The following PIH1D2 variants were observed in gnomAD, a reference collection of about 807,000 sequenced individuals.
PIH1D2 encodes the protein PIH1 domain containing 2.
PIH1D2 carries 25 observed loss-of-function variants against 31.2 expected under a neutral mutation model. That is an observed-to-expected ratio of 0.80 (90% CI 0.58 to 1.12). The LOEUF is 1.12. Ranked by LOEUF, PIH1D2 falls within the 50% of genes most tolerant of loss-of-function variation. The probability of loss-of-function intolerance (pLI) is 0.00; values close to 1 mark genes in which losing one functional copy is unlikely to be tolerated. For missense variants in PIH1D2, 310 were observed against 356.6 expected (o/e 0.87, Z 1.05); for synonymous variants, 116 against 119.9 (o/e 0.97, Z 0.21).
At chr11:112,057,652 G>T in the PIH1D2 span, among the ~76,000 whole-genome samples, 3 of 152,220 alleles carry the variant, frequency 2.0e-5, no homozygotes, top group Admixed American at 2.0e-4. Context: ...TGATAGAGGT[G>T]AGGAAGCCGC....
Position 112,070,533 on chromosome 11 carries a change from AT to A in PIH1D2, c.715del (p.Ile239LeufsTer10). 1 of 1,614,128 alleles carries A rather than the reference AT, an allele frequency of 6.2e-7. No individual in the cohort carries two copies. Among genetic ancestry groups the A allele is most frequent in the Non-Finnish European group, 8.5e-7 (1 of 1,180,030 alleles). On this transcript the variant is annotated frameshift_variant, in exon 5 of 6. Coordinates refer to ENST00000280350, the MANE Select transcript of PIH1D2 (RefSeq NM_138789.4). LOFTEE classifies it high-confidence loss of function. ...EMKMPAYELK[I>X]VHDHSEKPLK... ...AGGTTTCTCACTGTGATCATGCACAATTTTTAGTTCATAGGCTGGCATCTTC... is the reference window on the plus strand; with the variant it reads ...AGGTTTCTCACTGTGATCATGCACAATTTTAGTTCATAGGCTGGCATCTTC...
chr11:112,054,332 TAATA>T, the PIH1D2 span, among the ~76,000 whole-genome samples: 1 of 151,108 alleles, frequency 6.6e-6, no homozygotes, highest in Non-Finnish European at 1.5e-5. Flanking sequence ...ATAATAATAA[TAATA>T]AATAAATATA....
downstream of PIH1D2, chr11:112,060,974 A>G (rs1371292207): frequency 1.5e-5 from 22 of 1,448,100 alleles, no homozygotes; most frequent in Middle Eastern, 2.0e-4. Context: ...TTCACAGAAC[A>G]TTTGTCAAGT....
the PIH1D2 span, among the ~76,000 whole-genome samples, chr11:112,052,643 A>G: frequency 2.0e-5 from 3 of 152,202 alleles, no homozygotes; most frequent in Non-Finnish European, 2.9e-5. Flanking sequence ...CAGTTCAGCA[A>G]CTGGAAGCTC....
At position 112,070,439 on chromosome 11, in the gene PIH1D2, A is replaced by G. The variant is rs782453043; in HGVS notation, c.810T>C (p.Ser270=). Reference sequence around the variant, plus strand: ...CAGTGTTATCTATTCAACTTACCTCAGAAACACTAAGGTCACAGAGAGAGA... The same window carrying G: ...CAGTGTTATCTATTCAACTTACCTCGGAAACACTAAGGTCACAGAGAGAGA... The part of the protein sequence containing the change: ...NSVSLCDLSV[S]EDDLLIEVSE... The change falls in exon 5 of 6, where the codon TCT becomes TCC. Residue 270 remains serine (S), a synonymous_variant. Coordinates refer to ENST00000280350, the MANE Select transcript of PIH1D2 (RefSeq NM_138789.4). 3 of 1,613,434 alleles carry G rather than the reference A, an allele frequency of 1.9e-6. No individual in the cohort carries two copies. The East Asian group carries it at 6.7e-5, about 36-fold the overall frequency.
At chr11:112,065,910 A>G (rs1864908255), downstream of PIH1D2, among the ~76,000 whole-genome samples, 1 of 151,704 alleles carries the variant, frequency 6.6e-6, no homozygotes, top group South Asian at 2.1e-4. Context: ...GAACCTCGGG[A>G]TGGGGCAGGG....
At chr11:112,054,750 G>A in the PIH1D2 span, among the ~76,000 whole-genome samples, 2 of 152,122 alleles carry the variant, frequency 1.3e-5, no homozygotes, top group Admixed American at 1.3e-4. Flanking sequence ...CTCACAGTTC[G>A]GGAAACAAGT....
chr11:112,073,547 G>A (rs566670172), intron 1 of PIH1D2, among the ~76,000 whole-genome samples: 1 of 152,280 alleles, frequency 6.6e-6, no homozygotes, highest in East Asian at 1.9e-4. Flanking sequence ...GGTGTGGGGT[G>A]AGGGCCACAT....
downstream of PIH1D2, chr11:112,062,630 A>G: frequency 7.1e-7 from 1 of 1,414,238 alleles, no homozygotes; most frequent in South Asian, 1.2e-5. Context: ...TTTTATTTTA[A>G]CCAGTTATTT....
intron 5 of PIH1D2, 74 bp from the exon 6 acceptor site, chr11:112,068,079 A>G (rs1555184087): frequency 2.9e-6 from 3 of 1,036,786 alleles, no homozygotes; most frequent in African/African-American, 3.2e-5. Context: ...CCAGTTATTC[A>G]CTCCTTTGCC....
chr11:112,070,129 C>T, intron 5 of PIH1D2: 2 of 523,478 alleles, frequency 3.8e-6, no homozygotes, highest in South Asian at 5.5e-5. Flanking sequence ...TGTGAGAATA[C>T]ACTTCTCAGT....
intron 3 of PIH1D2, 100 bp from the exon 4 acceptor site, chr11:112,071,383 AT>A (rs781868240): frequency 6.3e-6 from 9 of 1,418,430 alleles, no homozygotes; most frequent in Middle Eastern, 3.8e-4. Context: ...AAGCTAGAGA[AT>A]ATTCCTGTAT....
At position 112,071,700 on chromosome 11, in the gene PIH1D2, G is replaced by C; in HGVS notation, c.236C>G (p.Pro79Arg). 6.2e-7 allele frequency: 1 copy of C among 1,613,528 alleles called. No homozygotes were observed. Among genetic ancestry groups the C allele is most frequent in the Non-Finnish European group, 8.5e-7 (1 of 1,179,462 alleles). ...NLCQWTRIPA[P>R]QSTTHPVPLT... ...AGGTACTGGATGAGTGGTTGATTGGGGAGCTGGGATCCTTGTCCACTGACA... is the reference window on the plus strand; with the variant it reads ...AGGTACTGGATGAGTGGTTGATTGGCGAGCTGGGATCCTTGTCCACTGACA... Residue 79 changes from proline (P) to arginine (R), a missense_variant, in exon 3 of 6, where the codon CCC becomes CGC. Transcript: ENST00000280350.
At chr11:112,063,605 G>A (rs1356123951), downstream of PIH1D2, 3 of 152,348 alleles carry the variant, frequency 2.0e-5, no homozygotes, top group African/African-American at 7.2e-5. Context: ...AAAGTTAAAT[G>A]TGTGTAAAAA....
downstream of PIH1D2, chr11:112,062,317 TA>T: frequency 3.5e-6 from 5 of 1,409,600 alleles, no homozygotes; most frequent in Non-Finnish European, 5.0e-6. Flanking sequence ...TGGTTGGGAT[TA>T]TAGGGTAGGA....
chr11:112,060,157 AATT>A, downstream of PIH1D2: 1 of 952,616 alleles, frequency 1.0e-6, no homozygotes, highest in Non-Finnish European at 1.5e-6. Flanking sequence ...TCTGTCACGT[AATT>A]TTTTTTTTTT....
downstream of PIH1D2, among the ~76,000 whole-genome samples, chr11:112,065,522 G>T (rs1864888872): frequency 6.6e-6 from 1 of 152,080 alleles, no homozygotes; most frequent in Non-Finnish European, 1.5e-5. Context: ...TTTTTGAGGG[G>T]TGAGAATAGG....
chr11:112,057,041 A>G, the PIH1D2 span, among the ~76,000 whole-genome samples: 1 of 152,256 alleles, frequency 6.6e-6, no homozygotes, highest in African/African-American at 2.4e-5. Context: ...TTCAAACTTT[A>G]TTATTGTATC....
At chr11:112,072,709 C>T (rs1555184912) in intron 2 of PIH1D2, 1 of 195,610 alleles carries the variant, frequency 5.1e-6, no homozygotes, top group Non-Finnish European at 1.0e-5. Context: ...ACTAATAATA[C>T]AAAAATTAGC....
Sources: allele counts gnomAD v4.1 joint callset (sites outside exome capture counted in the v4.1 genomes callset), GRCh38; gene constraint gnomAD v4.1.1; transcripts MANE v1.5; gene names NCBI Gene and HGNC (gene_info 2026-07-23, HGNC 2026-07-21).